TMEM232: variants seen among roughly 807,000 people sequenced by gnomAD.
TMEM232 encodes the protein transmembrane protein 232.
A neutral mutation model predicts 78.8 loss-of-function variants in TMEM232; 80 were observed. That is an observed-to-expected ratio of 1.01 (90% CI 0.85 to 1.22). The LOEUF (loss-of-function observed/expected upper bound fraction) is 1.22. Among genes scored for constraint, TMEM232 ranks in the 50% most tolerant of loss-of-function variants. The pLI is 0.00. For missense variants in TMEM232, 881 were observed against 742.2 expected (o/e 1.19, Z -2.17); for synonymous variants, 297 against 254.3 (o/e 1.17, Z -1.60).
chr5:110,525,860 A>C (rs1365023059), intron 12 of TMEM232, among the ~76,000 whole-genome samples: 1 of 151,314 alleles, frequency 6.6e-6, no homozygotes, highest in African/African-American at 2.4e-5. Context: ...AGAATAAAGG[A>C]CTAGAATAAA....
rs1755127660 is a variant in TMEM232 at position 110,390,120 on chromosome 5, CT to C, written n.615+295del. On this transcript the variant is annotated intron_variant and non_coding_transcript_variant, in intron 4 of 8. Transcript: ENST00000507188. ...CTCACTACACCCATAACCAATTGAGCTTTTTATGTCTAAACCACCCTCTTTC... is the reference window on the plus strand; with the variant it reads ...CTCACTACACCCATAACCAATTGAGCTTTTATGTCTAAACCACCCTCTTTC... Among the ~76,000 whole-genome samples, 3 of 152,172 alleles carry C rather than the reference CT, an allele frequency of 2.0e-5. No individual in the cohort carries two copies. The South Asian group carries it at 6.2e-4, about 32-fold the overall frequency.
chr5:110,571,744 G>C (rs1329863231), intron 10 of TMEM232, among the ~76,000 whole-genome samples: 1 of 151,528 alleles, frequency 6.6e-6, no homozygotes, highest in East Asian at 1.9e-4. Context: ...TGTAGTCCCA[G>C]GTACTCAGGA....
intron 1 of TMEM232, among the ~76,000 whole-genome samples, chr5:110,688,516 C>T (rs1284492839): frequency 6.6e-6 from 1 of 152,142 alleles, no homozygotes; most frequent in African/African-American, 2.4e-5. Flanking sequence ...AAAGAAATGG[C>T]TGGGCCTTGT....
chr5:110,635,965 C>T (rs954901436), intron 5 of TMEM232, among the ~76,000 whole-genome samples: 9 of 151,792 alleles, frequency 5.9e-5, no homozygotes, highest in Non-Finnish European at 1.3e-4. Flanking sequence ...CCTGCACTCT[C>T]GTGTTTACTG....
intron 3 of TMEM232, among the ~76,000 whole-genome samples, chr5:110,394,169 C>T (rs769684773): frequency 5.3e-5 from 8 of 152,134 alleles, no homozygotes; most frequent in Non-Finnish European, 1.0e-4. Flanking sequence ...GTTTTAACTT[C>T]TAGCTTCCAC....
intron 2 of TMEM232, among the ~76,000 whole-genome samples, chr5:110,663,226 C>T (rs1790047848): frequency 6.6e-6 from 1 of 151,956 alleles, no homozygotes; most frequent in Non-Finnish European, 1.5e-5. Flanking sequence ...GATATAGCTA[C>T]ACTCAACATT....
chr5:110,597,843 C>A (rs756595266), intron 10 of TMEM232, among the ~76,000 whole-genome samples: 1 of 152,156 alleles, frequency 6.6e-6, no homozygotes, highest in African/African-American at 2.4e-5. Context: ...CCCTTCCCTA[C>A]ACCTTATACA....
intron 4 of TMEM232, among the ~76,000 whole-genome samples, chr5:110,639,448 A>G (rs1786360168): frequency 1.3e-5 from 2 of 152,222 alleles, no homozygotes; most frequent in South Asian, 4.1e-4. Context: ...GAAAGGTTCC[A>G]GGGACAGCTA....
intron 3 of TMEM232, among the ~76,000 whole-genome samples, chr5:110,391,330 A>T (rs149443133): frequency 2.5e-3 from 157 of 63,704 alleles, no homozygotes; most frequent in African/African-American, 3.1e-3. Flanking sequence ...TGTGTGTGAG[A>T]GAGAGAGAGA....
intron 2 of TMEM232, among the ~76,000 whole-genome samples, chr5:110,403,227 G>T (rs931071875): frequency 6.6e-6 from 1 of 152,028 alleles, no homozygotes; most frequent in African/African-American, 2.4e-5. Context: ...CTTAGACTGT[G>T]AGCAGAATTG....
At chr5:110,469,218 A>G (rs1371707970) in intron 12 of TMEM232, among the ~76,000 whole-genome samples, 1 of 152,166 alleles carries the variant, frequency 6.6e-6, no homozygotes, top group South Asian at 2.1e-4. Flanking sequence ...CTTTTACACC[A>G]TACCATTTTG....
chr5:110,449,446 G>A (rs1303192507), intron 12 of TMEM232, among the ~76,000 whole-genome samples: 1 of 151,834 alleles, frequency 6.6e-6, no homozygotes, highest in Non-Finnish European at 1.5e-5. Flanking sequence ...TAAAATGGTT[G>A]CTTTTTAGCT....
At chr5:110,689,043 C>G (rs1793770597) in intron 1 of TMEM232, among the ~76,000 whole-genome samples, 1 of 152,124 alleles carries the variant, frequency 6.6e-6, no homozygotes, top group Admixed American at 6.6e-5. Context: ...AAACTGTATG[C>G]TTCTCAATAT....
At chr5:110,673,016 C>T (rs895318853) in intron 1 of TMEM232, among the ~76,000 whole-genome samples, 9 of 152,008 alleles carry the variant, frequency 5.9e-5, no homozygotes, top group African/African-American at 1.4e-4. Context: ...ATGTTTATTG[C>T]GGCACTATTC....
At chr5:110,542,617 C>T (rs1335532282) in intron 11 of TMEM232, among the ~76,000 whole-genome samples, 1 of 152,030 alleles carries the variant, frequency 6.6e-6, no homozygotes, top group Non-Finnish European at 1.5e-5. Flanking sequence ...GGTCCTTCTG[C>T]TCCCCATAAA....
intron 2 of TMEM232, among the ~76,000 whole-genome samples, chr5:110,400,928 T>C (rs1469472041): frequency 1.3e-5 from 2 of 152,124 alleles, no homozygotes; most frequent in East Asian, 1.9e-4. Context: ...GATATAGATA[T>C]GTATTTTGTC....
chr5:110,670,160 G>A (rs539539086), intron 1 of TMEM232, among the ~76,000 whole-genome samples: 1 of 152,190 alleles, frequency 6.6e-6, no homozygotes, highest in South Asian at 2.1e-4. Flanking sequence ...AGAAATAAAG[G>A]GTATTCAATT....
chr5:110,722,959 CT>C (rs1797798658), intron 1 of TMEM232, among the ~76,000 whole-genome samples: 1 of 152,038 alleles, frequency 6.6e-6, no homozygotes, highest in South Asian at 2.1e-4. Flanking sequence ...AGAGACTGGT[CT>C]GTAGTTTTCT....
At chr5:110,672,849 T>C (rs1470694662) in intron 1 of TMEM232, among the ~76,000 whole-genome samples, 1 of 152,056 alleles carries the variant, frequency 6.6e-6, no homozygotes, top group African/African-American at 2.4e-5. Flanking sequence ...ATTATTATTA[T>C]TGCATGTACA....
Sources: gnomAD v4.1 joint callset for allele counts (sites outside exome capture counted in the v4.1 genomes callset) on GRCh38, gnomAD v4.1.1 for gene constraint, MANE v1.5 for transcripts, NCBI Gene and HGNC (gene_info 2026-07-23, HGNC 2026-07-21) for gene names.